SAMD3: variants seen among roughly 807,000 people sequenced by gnomAD.
The protein encoded by SAMD3 is sterile alpha motif domain-containing protein 3.
In SAMD3, 63 loss-of-function variants were observed where a neutral mutation model predicts 58.5. The ratio of observed to expected loss-of-function variants is 1.08; its 90% confidence interval spans 0.88 to 1.33. The LOEUF is 1.33. Ranked by LOEUF, SAMD3 falls within the 40% of genes most tolerant of loss-of-function variation. SAMD3 has a pLI of 0.00. For missense variants in SAMD3, 604 were observed against 608.4 expected (o/e 0.99, Z 0.08); for synonymous variants, 220 against 210.3 (o/e 1.05, Z -0.40).
chr6:130,201,493 TCA>T (rs1794651232), intron 5 of SAMD3, among the ~76,000 whole-genome samples: 1 of 152,210 alleles, frequency 6.6e-6, no homozygotes. Context: ...ACAAGATTCC[TCA>T]GTGTTTTATA....
chr6:130,348,477 A>C (rs952755676), intron 1 of SAMD3, among the ~76,000 whole-genome samples: 2 of 152,140 alleles, frequency 1.3e-5, no homozygotes, highest in Non-Finnish European at 2.9e-5. Context: ...AAAAGAGACA[A>C]AGAAGGCCAT....
upstream of SAMD3, among the ~76,000 whole-genome samples, chr6:130,223,322 T>C (rs150132492): frequency 6.6e-6 from 1 of 152,236 alleles, no homozygotes. Flanking sequence ...TGAACTAAAA[T>C]GCACAAACCT....
chr6:130,193,113 C>T (rs991093241), intron 5 of SAMD3, among the ~76,000 whole-genome samples: 6 of 152,160 alleles, frequency 3.9e-5, no homozygotes, highest in African/African-American at 1.4e-4. Flanking sequence ...ACCCACATTT[C>T]AGAGGTGTCA....
At chr6:130,353,528 C>T (rs1020393463) in intron 1 of SAMD3, among the ~76,000 whole-genome samples, 7 of 152,148 alleles carry the variant, frequency 4.6e-5, no homozygotes, top group South Asian at 2.1e-4. Context: ...ACATGATCTG[C>T]GATATCTTCT....
At chr6:130,182,592 TAAGG>T (rs1026647715) in intron 7 of SAMD3, among the ~76,000 whole-genome samples, 1 of 105,856 alleles carries the variant, frequency 9.4e-6, no homozygotes, top group Non-Finnish European at 1.8e-5. Flanking sequence ...TAAATACAAA[TAAGG>T]AAGGAAGAAA....
intron 2 of SAMD3, among the ~76,000 whole-genome samples, chr6:130,289,514 G>T (rs1401791851): frequency 2.0e-5 from 3 of 151,878 alleles, no homozygotes; most frequent in African/African-American, 7.3e-5. Flanking sequence ...TATAGAGAGA[G>T]AGAGAGACAG....
chr6:130,232,976 C>A (rs956471411), intron 2 of SAMD3, among the ~76,000 whole-genome samples: 11 of 152,134 alleles, frequency 7.2e-5, no homozygotes, highest in Non-Finnish European at 1.3e-4. Flanking sequence ...GTGACACGAG[C>A]TGAGATTACT....
intron 8 of SAMD3, among the ~76,000 whole-genome samples, chr6:130,157,903 T>C (rs1297025200): frequency 3.3e-5 from 5 of 151,124 alleles, no homozygotes; most frequent in Non-Finnish European, 7.4e-5. Context: ...TATTCTAACA[T>C]ACGCTAACAT....
At chr6:130,241,430 G>C (rs1346315154) in intron 2 of SAMD3, among the ~76,000 whole-genome samples, 1 of 151,916 alleles carries the variant, frequency 6.6e-6, no homozygotes, top group Non-Finnish European at 1.5e-5. Flanking sequence ...TGGCCAGGCT[G>C]GTCTTGAATC....
At chr6:130,228,225 G>T (rs1189678286) in intron 2 of SAMD3, among the ~76,000 whole-genome samples, 1 of 152,196 alleles carries the variant, frequency 6.6e-6, no homozygotes, top group Non-Finnish European at 1.5e-5. Flanking sequence ...CAGCACAGTG[G>T]TGACCTCCAG....
intron 1 of SAMD3, among the ~76,000 whole-genome samples, chr6:130,217,588 T>A (rs1374320592): frequency 6.6e-6 from 1 of 152,194 alleles, no homozygotes; most frequent in Non-Finnish European, 1.5e-5. Flanking sequence ...TGGGCAAGCT[T>A]TATTTAATAA....
intron 1 of SAMD3, among the ~76,000 whole-genome samples, chr6:130,313,535 A>C (rs1776258327): frequency 6.6e-6 from 1 of 152,222 alleles, no homozygotes; most frequent in African/African-American, 2.4e-5. Flanking sequence ...AGACAAAAGG[A>C]AAAGGGACTT....
At chr6:130,315,867 C>A (rs949707659) in intron 1 of SAMD3, among the ~76,000 whole-genome samples, 3 of 151,950 alleles carry the variant, frequency 2.0e-5, no homozygotes, top group Non-Finnish European at 4.4e-5. Context: ...AGTAGGATCC[C>A]CTGATGGACT....
At chr6:130,143,452 C>G (rs1318911755), downstream of SAMD3, among the ~76,000 whole-genome samples, 2 of 152,140 alleles carry the variant, frequency 1.3e-5, no homozygotes, top group Non-Finnish European at 2.9e-5. Flanking sequence ...CATTATTAGC[C>G]AGGCTGGTCT....
chr6:130,314,551 C>T (rs1460719013), intron 1 of SAMD3, among the ~76,000 whole-genome samples: 2 of 152,186 alleles, frequency 1.3e-5, no homozygotes, highest in East Asian at 1.9e-4. Context: ...GTCATACTTG[C>T]TCATGCATAA....
At chr6:130,313,550 C>T (rs902696579) in intron 1 of SAMD3, among the ~76,000 whole-genome samples, 10 of 152,322 alleles carry the variant, frequency 6.6e-5, no homozygotes, top group Admixed American at 1.3e-4. Context: ...GGACTTGAGA[C>T]TCACAATTCA....
chr6:130,345,039 A>C (rs1002782206), intron 1 of SAMD3, among the ~76,000 whole-genome samples: 5 of 152,108 alleles, frequency 3.3e-5, no homozygotes, highest in Admixed American at 3.3e-4. Context: ...GCTGTGATTA[A>C]ATTTCCATCA....
chr6:130,338,043 C>A lies in SAMD3; in HGVS notation c.-303-24950G>T, dbSNP rs1777154230. Among the ~76,000 whole-genome samples the A allele has an allele frequency of 2.0e-5, 3 of 152,220 alleles. No homozygotes were observed. In the South Asian group the frequency reaches 6.2e-4, roughly 32 times the overall value. On this transcript the variant is annotated intron_variant, in intron 1 of 13. Coordinates refer to the SAMD3 transcript ENST00000368134. ...ACCTTCACAGCAGCCCTTCCCATCA[C>A]AGGCCTGAGGTCTAGGAGGGAAAAA...
chr6:130,209,804 C>G (rs1272691715), intron 4 of SAMD3, among the ~76,000 whole-genome samples, 196 bp from the exon 5 acceptor site: 4 of 152,192 alleles, frequency 2.6e-5, no homozygotes, highest in African/African-American at 9.6e-5. Flanking sequence ...TTCCTATGTG[C>G]CAGGAGGCAG....
Sources: gnomAD v4.1 joint callset for allele counts (sites outside exome capture counted in the v4.1 genomes callset) on GRCh38, gnomAD v4.1.1 for gene constraint, MANE v1.5 for transcripts, NCBI Gene and HGNC (gene_info 2026-07-23, HGNC 2026-07-21) for gene names.